ERG: variants seen among roughly 807,000 people sequenced by gnomAD.
The protein encoded by ERG is ETS transcription factor ERG, also known as transcriptional regulator ERG.
Under a neutral mutation model 55.3 loss-of-function variants are expected in ERG, and 9 were observed. The ratio of observed to expected loss-of-function variants is 0.16; its 90% CI spans 0.10 to 0.28. ERG has a LOEUF of 0.28. ERG is among the 10% of genes least tolerant of loss of function. ERG has a pLI of 1.00. For synonymous variants in ERG, 223 were observed against 237.3 expected (o/e 0.94, Z 0.55); for missense variants, 434 against 631.6 (o/e 0.69, Z 3.35).
At chr21:38,421,595 T>C (rs1349241775) in intron 3 of ERG, among the ~76,000 whole-genome samples, 1 of 152,178 alleles carries the variant, frequency 6.6e-6, no homozygotes, top group Non-Finnish European at 1.5e-5. Context: ...CAGATATTAA[T>C]TTAGGTGACC....
intron 1 of ERG, among the ~76,000 whole-genome samples, chr21:38,592,571 C>CTCTGTGTGTGTG (rs1555871066): frequency 5.5e-4 from 81 of 148,092 alleles, no homozygotes; most frequent in African/African-American, 1.1e-3. Flanking sequence ...TCTCCCTTCA[C>CTCTGTGTGTGTG]TGTGTGTGTG....
chr21:38,538,760 G>A (rs1053534214), intron 2 of ERG, among the ~76,000 whole-genome samples: 56 of 152,024 alleles, frequency 3.7e-4, no homozygotes, highest in African/African-American at 1.3e-3. Flanking sequence ...TTGTTACCTG[G>A]AATTGAAAAG....
chr21:38,535,574 T>C (rs1447556501), intron 2 of ERG, among the ~76,000 whole-genome samples: 1 of 152,172 alleles, frequency 6.6e-6, no homozygotes, highest in Non-Finnish European at 1.5e-5. Context: ...CATTCCTTCA[T>C]GTATAACCCA....
chr21:38,470,880 A>G (rs1307577134), intron 1 of ERG: 2 of 152,234 alleles, frequency 1.3e-5, no homozygotes, highest in African/African-American at 2.4e-5. Flanking sequence ...CTAACCTGGA[A>G]GACATCTTGT....
intron 2 of ERG, among the ~76,000 whole-genome samples, chr21:38,573,400 T>C (rs1162804856): frequency 6.6e-6 from 1 of 152,220 alleles, no homozygotes; most frequent in Non-Finnish European, 1.5e-5. Context: ...GGGAACTGAA[T>C]GTCTCAGTAT....
intron 3 of ERG, among the ~76,000 whole-genome samples, chr21:38,414,183 A>G (rs1264383495): frequency 6.6e-6 from 1 of 152,062 alleles, no homozygotes; most frequent in Non-Finnish European, 1.5e-5. Flanking sequence ...CATCAGTCCA[A>G]CCTCTGCCTG....
intron 2 of ERG, among the ~76,000 whole-genome samples, chr21:38,541,869 T>C (rs2059754910): frequency 6.6e-6 from 1 of 152,082 alleles, no homozygotes; most frequent in Non-Finnish European, 1.5e-5. Flanking sequence ...CATGTTTACC[T>C]GTGTAACAAA....
chr21:38,434,259 C>T lies in ERG; in HGVS notation c.237-10698G>A, dbSNP rs562682568. Among the ~76,000 whole-genome samples, 8 of 152,296 alleles carry T rather than the reference C, an allele frequency of 5.3e-5. No homozygotes were observed. In the East Asian group the frequency reaches 1.5e-3, roughly 29 times the overall value. On this transcript the variant is annotated intron_variant, in intron 2 of 9. Transcript: ENST00000288319. ...GCTGGCATTTGAGTAGCCAAAGCCC[C>T]TCTCCCCAACTCCATGTGCTCTGTG...
intron 2 of ERG, among the ~76,000 whole-genome samples, chr21:38,510,421 C>T (rs2059502495): frequency 1.3e-5 from 2 of 152,176 alleles, no homozygotes; most frequent in South Asian, 2.1e-4. Context: ...TTTTATTTTA[C>T]TATTTTTCTT....
rs1025488672 is a variant in ERG at position 38,461,986 on chromosome 21, T to C, written c.19-16365A>G. On this transcript the variant is annotated intron_variant, in intron 1 of 9. Coordinates refer to ENST00000288319, the MANE Select transcript of ERG (RefSeq NM_182918.4). Reference sequence around the variant, plus strand: ...TGCCTGGCTAATTTTTTTTTCTTTTTCTTTTTCTTTTTTGAGACGGAGTCT... The same window carrying C: ...TGCCTGGCTAATTTTTTTTTCTTTTCCTTTTTCTTTTTTGAGACGGAGTCT... Among the ~76,000 whole-genome samples the C allele has an allele frequency of 2.6e-5, 4 of 152,042 alleles. No homozygotes were observed. The East Asian group carries it at 5.8e-4, about 22-fold the overall frequency.
intron 2 of ERG, among the ~76,000 whole-genome samples, chr21:38,513,774 G>A (rs1057301907): frequency 6.6e-6 from 1 of 151,898 alleles, no homozygotes; most frequent in African/African-American, 2.4e-5. Flanking sequence ...AAAGAAAGAA[G>A]AAGAAAAATA....
At chr21:38,613,253 A>C (rs1169010246) in intron 1 of ERG, among the ~76,000 whole-genome samples, 2 of 152,212 alleles carry the variant, frequency 1.3e-5, no homozygotes, top group Non-Finnish European at 2.9e-5. Context: ...AAAAGAAATC[A>C]CTGATCTTTA....
At position 38,409,753 on chromosome 21, in the gene ERG, G is replaced by C. The variant is rs202194172; in HGVS notation, c.389-6044C>G. ...TGGCTGCAGTGGAGGATTTCAGAGA[G>C]AGCACAGCAACATACGAGGATGGGG... On this transcript the variant is annotated intron_variant, in intron 3 of 9. Transcript: ENST00000288319. Among the ~76,000 whole-genome samples, 57 of 152,282 alleles carry C rather than the reference G, an allele frequency of 3.7e-4. 1 individual carries two copies. The East Asian group carries it at 9.9e-3, about 26-fold the overall frequency.
intron 1 of ERG, among the ~76,000 whole-genome samples, chr21:38,626,319 C>G (rs1409045063): frequency 6.6e-6 from 1 of 152,202 alleles, no homozygotes; most frequent in Non-Finnish European, 1.5e-5. Flanking sequence ...AGCAGTGGTA[C>G]TGAGTGTAAT....
chr21:38,554,776 G>A (rs1411733829), intron 2 of ERG, among the ~76,000 whole-genome samples: 1 of 151,276 alleles, frequency 6.6e-6, no homozygotes, highest in Non-Finnish European at 1.5e-5. Flanking sequence ...CTCATGGCAT[G>A]CAATTTACCC....
In ERG at chr21:38,419,214, A is replaced by T. The variant is rs565472424; in HGVS notation, c.388+4196T>A. On this transcript the variant is annotated intron_variant, in intron 3 of 9. Transcript: ENST00000288319. ...TATGGCCTAACCAGTACCCTTTGGGAAGGCACAATCAACAGTCTTGCCAGA... is the reference window on the plus strand; with the variant it reads ...TATGGCCTAACCAGTACCCTTTGGGTAGGCACAATCAACAGTCTTGCCAGA... Among the ~76,000 whole-genome samples the T allele has an allele frequency of 3.9e-5, 6 of 152,320 alleles. No homozygotes were observed. In the South Asian group the frequency reaches 1.2e-3, roughly 32 times the overall value.
chr21:38,593,209 C>T (rs1485597388), intron 1 of ERG, among the ~76,000 whole-genome samples: 1 of 152,162 alleles, frequency 6.6e-6, no homozygotes, highest in Non-Finnish European at 1.5e-5. Context: ...CTGGGGCCCC[C>T]CTGTAAAAAC....
upstream of ERG, among the ~76,000 whole-genome samples, chr21:38,588,518 AGCCAT>A (rs2146889616): frequency 6.6e-6 from 1 of 152,314 alleles, no homozygotes; most frequent in Admixed American, 6.5e-5. Flanking sequence ...GTGTCAAAGC[AGCCAT>A]GGTGAGGCAG....
chr21:38,640,988 T>C (rs1399174594), intron 1 of ERG, among the ~76,000 whole-genome samples: 1 of 152,204 alleles, frequency 6.6e-6, no homozygotes, highest in Admixed American at 6.5e-5. Flanking sequence ...AGAACAGTGA[T>C]AAAACATGTA....
Sources: gnomAD v4.1 joint callset for allele counts (sites outside exome capture counted in the v4.1 genomes callset) on GRCh38, gnomAD v4.1.1 for gene constraint, MANE v1.5 for transcripts, NCBI Gene and HGNC (gene_info 2026-07-23, HGNC 2026-07-21) for gene names.